The following NRG3 variants were observed in gnomAD, a reference collection of about 807,000 sequenced individuals.
NRG3 encodes neuregulin 3.
In NRG3, 31 loss-of-function variants were observed where a neutral mutation model predicts 66.9. The ratio of observed to expected loss-of-function variants is 0.46; its 90% confidence interval spans 0.35 to 0.63. The LOEUF (loss-of-function observed/expected upper bound fraction) is 0.63. Ranked by LOEUF, NRG3 falls within the 20% of genes least tolerant of loss-of-function variation. The probability of loss-of-function intolerance (pLI) is 0.00; values close to 1 mark genes in which losing one functional copy is unlikely to be tolerated. For synonymous variants in NRG3, 393 were observed against 359.4 expected (o/e 1.09, Z -1.06); for missense variants, 910 against 878.9 (o/e 1.04, Z -0.45).
intron 1 of NRG3, among the ~76,000 whole-genome samples, chr10:82,316,353 T>G (rs2081295852): frequency 6.6e-6 from 1 of 152,174 alleles, no homozygotes; most frequent in African/African-American, 2.4e-5. Flanking sequence ...ATACAATTTG[T>G]TTTGTCCCCC....
chr10:82,049,008 T>G lies in NRG3; in HGVS notation c.823+172845T>G, dbSNP rs573140488. ...AACTAGAAAATCTAGAAGAAATGGA[T>G]AAATTCCTCGACACATACACCCTCC... On this transcript the variant is annotated intron_variant, in intron 1 of 8. Coordinates refer to ENST00000372141, the MANE Select transcript of NRG3 (RefSeq NM_001010848.4). Among the ~76,000 whole-genome samples, 6 of 152,200 alleles carry G rather than the reference T, an allele frequency of 3.9e-5. No individual in the cohort carries two copies. In the South Asian group the frequency reaches 1.2e-3, roughly 32 times the overall value.
At chr10:82,561,778 C>A (rs1292721661) in intron 2 of NRG3, among the ~76,000 whole-genome samples, 3 of 152,162 alleles carry the variant, frequency 2.0e-5, no homozygotes, top group Non-Finnish European at 4.4e-5. Context: ...CTGTCTCATG[C>A]AGACTTGCAT....
intron 4 of NRG3, among the ~76,000 whole-genome samples, chr10:82,927,457 C>G (rs1227886428): frequency 2.0e-5 from 3 of 152,020 alleles, no homozygotes; most frequent in Non-Finnish European, 2.9e-5. Context: ...ACCTATCAAC[C>G]TGTCATCATT....
intron 3 of NRG3, among the ~76,000 whole-genome samples, chr10:82,856,447 G>T (rs1396978678): frequency 2.6e-5 from 4 of 151,896 alleles, no homozygotes; most frequent in African/African-American, 9.7e-5. Context: ...TTAAAAATTA[G>T]ATAAAAGGAT....
intron 1 of NRG3, among the ~76,000 whole-genome samples, chr10:81,989,909 G>A (rs1000151577): frequency 6.6e-6 from 1 of 152,140 alleles, no homozygotes; most frequent in Non-Finnish European, 1.5e-5. Context: ...TGTCCAGAAG[G>A]TTGACTATGA....
intron 1 of NRG3, among the ~76,000 whole-genome samples, chr10:82,273,139 T>A (rs1269249575): frequency 2.6e-5 from 4 of 152,116 alleles, no homozygotes; most frequent in Non-Finnish European, 5.9e-5. Context: ...TTATATTTGC[T>A]GTATCTACAT....
chr10:82,253,829 C>G (rs892903585), intron 1 of NRG3, among the ~76,000 whole-genome samples: 1 of 152,178 alleles, frequency 6.6e-6, no homozygotes, highest in Non-Finnish European at 1.5e-5. Flanking sequence ...TAAACCTCAC[C>G]ATTCTTGCAT....
intron 1 of NRG3, among the ~76,000 whole-genome samples, chr10:82,072,302 C>T (rs1473468648): frequency 1.3e-5 from 2 of 152,180 alleles, no homozygotes; most frequent in Admixed American, 6.5e-5. Flanking sequence ...CCGGAAGAAG[C>T]GTGTTGCCTT....
At chr10:82,901,087 A>C (rs1332882652) in intron 4 of NRG3, among the ~76,000 whole-genome samples, 3 of 152,176 alleles carry the variant, frequency 2.0e-5, no homozygotes, top group Admixed American at 6.5e-5. Context: ...ATCTAACAGC[A>C]TGTGTTATAA....
chr10:82,493,462 G>A (rs1460346014), intron 2 of NRG3, among the ~76,000 whole-genome samples: 1 of 152,110 alleles, frequency 6.6e-6, no homozygotes, highest in African/African-American at 2.4e-5. Context: ...ACAAGATCTT[G>A]TTCCTTTTTA....
At chr10:82,615,589 C>A (rs1486791740) in intron 2 of NRG3, among the ~76,000 whole-genome samples, 3 of 152,052 alleles carry the variant, frequency 2.0e-5, no homozygotes, top group Non-Finnish European at 2.9e-5. Context: ...CTATTCTAGG[C>A]AAATGTTAAA....
intron 6 of NRG3, among the ~76,000 whole-genome samples, chr10:82,970,177 A>G (rs1429825997): frequency 1.3e-5 from 2 of 152,232 alleles, no homozygotes; most frequent in East Asian, 3.8e-4. Flanking sequence ...TAAAAGTAAT[A>G]TTTTGGATCA....
At chr10:82,960,390 G>A (rs1317087852) in intron 6 of NRG3, among the ~76,000 whole-genome samples, 4 of 151,490 alleles carry the variant, frequency 2.6e-5, no homozygotes, top group South Asian at 4.2e-4. Flanking sequence ...TTAAAGTGAT[G>A]AGGATAGATT....
rs115531414 is a variant in NRG3, at chr10:82,338,404, C to G, written c.824-20335C>G. Among the ~76,000 whole-genome samples, 1,186 of 152,300 alleles carry G rather than the reference C, an allele frequency of 7.8e-3. 13 individuals carry two copies. Among genetic ancestry groups the G allele is most frequent in the African/African-American group, 0.026 (1,097 of 41,558 alleles). On this transcript the variant is annotated intron_variant, in intron 1 of 8. Coordinates refer to ENST00000372141, the MANE Select transcript of NRG3 (RefSeq NM_001010848.4). ...GAAAACATTATGAGTATATTAGCCA[C>G]CTAGACACCACTCTCCCCTGCCCAG...
chr10:82,074,139 CAGAGATGGCCAATGTGAAA>C (rs2064962976), intron 1 of NRG3, among the ~76,000 whole-genome samples: 1 of 150,594 alleles, frequency 6.6e-6, no homozygotes, highest in African/African-American at 2.4e-5. Flanking sequence ...TTAGGGTGCT[CAGAGATGGCCAATGTGAAA>C]AGATTTGACA....
chr10:82,669,068 CACCATGATGAT>C (rs1411670399), intron 2 of NRG3, among the ~76,000 whole-genome samples: 2 of 152,058 alleles, frequency 1.3e-5, no homozygotes, highest in Non-Finnish European at 2.9e-5. Context: ...CACCTATAAT[CACCATGATGAT>C]ATTAGATATT....
At chr10:82,531,973 A>T (rs1847314017) in intron 2 of NRG3, among the ~76,000 whole-genome samples, 1 of 151,802 alleles carries the variant, frequency 6.6e-6, no homozygotes, top group Non-Finnish European at 1.5e-5. Context: ...CCACTATTTC[A>T]CAATTCAATT....
intron 1 of NRG3, among the ~76,000 whole-genome samples, chr10:82,082,518 T>C (rs1424470792): frequency 6.6e-6 from 1 of 152,118 alleles, no homozygotes; most frequent in Non-Finnish European, 1.5e-5. Context: ...AACAGGGTTG[T>C]CTGTGGGGCT....
chr10:82,315,754 C>G (rs1414859205), intron 1 of NRG3, among the ~76,000 whole-genome samples: 1 of 150,784 alleles, frequency 6.6e-6, no homozygotes, highest in African/African-American at 2.4e-5. Context: ...CAACCTCCGT[C>G]TCCTGGGTTC....
Sources: gnomAD v4.1 joint callset for allele counts (sites outside exome capture counted in the v4.1 genomes callset) on GRCh38, gnomAD v4.1.1 for gene constraint, MANE v1.5 for transcripts, NCBI Gene and HGNC (gene_info 2026-07-23, HGNC 2026-07-21) for gene names.